Variants in CTIF observed in about 807,000 individuals in gnomAD.
The protein encoded by CTIF is CBP80/20-dependent translation initiation factor.
A neutral mutation model predicts 66.0 loss-of-function variants in CTIF; 21 were observed. The ratio of observed to expected loss-of-function variants is 0.32; its 90% CI spans 0.23 to 0.46. The LOEUF (loss-of-function observed/expected upper bound fraction) is 0.46. Among genes scored for constraint, CTIF ranks in the 20% least tolerant of loss-of-function variants. CTIF has a pLI of 1.00. For synonymous variants in CTIF, 345 were observed against 326.4 expected (o/e 1.06, Z -0.62); for missense variants, 739 against 812.7 (o/e 0.91, Z 1.10).
At chr18:48,736,408 T>G (rs2092503524) in intron 7 of CTIF, among the ~76,000 whole-genome samples, 1 of 152,094 alleles carries the variant, frequency 6.6e-6, no homozygotes, top group Non-Finnish European at 1.5e-5. Context: ...CTGCACTGAG[T>G]GGAAGCCAGA....
chr18:48,597,126 C>A (rs887776530), intron 1 of CTIF, among the ~76,000 whole-genome samples: 1 of 152,170 alleles, frequency 6.6e-6, no homozygotes, highest in Non-Finnish European at 1.5e-5. Context: ...GAACAGTGAA[C>A]GAAGAAGTGT....
At chr18:48,774,943 C>T (rs1354600590) in intron 9 of CTIF, among the ~76,000 whole-genome samples, 1 of 150,050 alleles carries the variant, frequency 6.7e-6, no homozygotes, top group Admixed American at 6.6e-5. Flanking sequence ...ATTAGGCAAC[C>T]GTCATTGCAT....
intron 10 of CTIF, among the ~76,000 whole-genome samples, chr18:48,828,930 C>T (rs1331485962): frequency 6.6e-6 from 1 of 152,246 alleles, no homozygotes; most frequent in Non-Finnish European, 1.5e-5. Flanking sequence ...TGCTCCTCCT[C>T]CTCCCTCTTA....
intron 6 of CTIF, among the ~76,000 whole-genome samples, chr18:48,703,704 G>A (rs2092113880): frequency 6.6e-6 from 1 of 152,176 alleles, no homozygotes; most frequent in African/African-American, 2.4e-5. Flanking sequence ...ATGGAATTGA[G>A]CTCTGCGGGG....
intron 9 of CTIF, among the ~76,000 whole-genome samples, chr18:48,779,792 C>T (rs968986774): frequency 6.6e-6 from 1 of 152,232 alleles, no homozygotes; most frequent in Non-Finnish European, 1.5e-5. Context: ...TCCTTCCTTC[C>T]CACTGGGCTG....
intron 1 of CTIF, among the ~76,000 whole-genome samples, chr18:48,571,476 T>C (rs977457051): frequency 1.5e-4 from 23 of 152,174 alleles, no homozygotes; most frequent in African/African-American, 5.3e-4. Flanking sequence ...TTTAAAAATA[T>C]TTTGTTTCCC....
chr18:48,568,632 G>GT (rs2089330874), intron 1 of CTIF, among the ~76,000 whole-genome samples: 2 of 21,344 alleles, frequency 9.4e-5, no homozygotes, highest in Admixed American at 6.7e-4. Flanking sequence ...TGGGCAATTT[G>GT]TAAAAAAAAA....
chr18:48,624,183 G>A (rs374582664), intron 2 of CTIF, among the ~76,000 whole-genome samples: 1 of 126,254 alleles, frequency 7.9e-6, no homozygotes, highest in Non-Finnish European at 1.7e-5. Flanking sequence ...ATTTTACATC[G>A]TACCCCTCCC....
chr18:48,579,919 A>G (rs2089616223), intron 1 of CTIF, among the ~76,000 whole-genome samples: 1 of 152,218 alleles, frequency 6.6e-6, no homozygotes, highest in African/African-American at 2.4e-5. Flanking sequence ...ACCCTCATCC[A>G]TTCGTACAAA....
At chr18:48,653,539 A>G (rs1255262955) in intron 3 of CTIF, among the ~76,000 whole-genome samples, 2 of 152,310 alleles carry the variant, frequency 1.3e-5, no homozygotes, top group African/African-American at 4.8e-5. Context: ...TCATGAAAAT[A>G]GCCATACTGC....
At chr18:48,745,852 T>C (rs1211226001) in intron 7 of CTIF, among the ~76,000 whole-genome samples, 3 of 152,220 alleles carry the variant, frequency 2.0e-5, no homozygotes, top group Non-Finnish European at 4.4e-5. Flanking sequence ...GAGTCCTCTC[T>C]GTGATAACGT....
chr18:48,625,102 C>A, intron 2 of CTIF: 1 of 406,804 alleles, frequency 2.5e-6, no homozygotes, highest in South Asian at 1.0e-4. Context: ...CTTCCCTGTT[C>A]ACTGTTCCCT....
At chr18:48,779,446 A>ACTG (rs1218222514) in intron 9 of CTIF, among the ~76,000 whole-genome samples, 1 of 152,186 alleles carries the variant, frequency 6.6e-6, no homozygotes, top group Non-Finnish European at 1.5e-5. Context: ...CTCAGAACAC[A>ACTG]CTGCCACCTG....
At chr18:48,655,639 A>T (rs2091235475) in intron 3 of CTIF, among the ~76,000 whole-genome samples, 1 of 152,152 alleles carries the variant, frequency 6.6e-6, no homozygotes, top group African/African-American at 2.4e-5. Context: ...CCAGCTGCTC[A>T]GTGACTGAGG....
At chr18:48,608,411 C>T (rs1264506203) in intron 1 of CTIF, among the ~76,000 whole-genome samples, 1 of 152,116 alleles carries the variant, frequency 6.6e-6, no homozygotes, top group African/African-American at 2.4e-5. Context: ...CAGACGTGGC[C>T]CCAGCACAGG....
At chr18:48,817,189 G>GT (rs760457395) in intron 9 of CTIF, 32 bp from the exon 10 acceptor site, 1 of 1,603,722 alleles carries the variant, frequency 6.2e-7, no homozygotes, top group African/African-American at 1.3e-5. Flanking sequence ...CCCAGCCCCG[G>GT]GAGGCTGACG....
In CTIF at chr18:48,593,599, G is replaced by T. The variant is rs540821477; in HGVS notation, c.-28-25939G>T. Among the ~76,000 whole-genome samples, 4 of 151,758 alleles carry T rather than the reference G, an allele frequency of 2.6e-5. No homozygotes were observed. In the South Asian group the frequency reaches 8.3e-4, roughly 32 times the overall value. On this transcript the variant is annotated intron_variant, in intron 1 of 11. Coordinates refer to ENST00000256413, the MANE Select transcript of CTIF (RefSeq NM_014772.3). ...GGGTTTCACCGTATTAGCCAGGATG[G>T]TCTCGATCTCCTGACCTCGTGATCC...
intron 5 of CTIF, among the ~76,000 whole-genome samples, chr18:48,665,652 C>A (rs1223859810): frequency 6.6e-6 from 1 of 152,180 alleles, no homozygotes; most frequent in Non-Finnish European, 1.5e-5. Flanking sequence ...TCACCACCCC[C>A]AGTCCCTGGC....
intron 1 of CTIF, among the ~76,000 whole-genome samples, chr18:48,604,998 A>T (rs2090176967): frequency 6.6e-6 from 1 of 152,102 alleles, no homozygotes; most frequent in African/African-American, 2.4e-5. Flanking sequence ...TTGCATGCAT[A>T]GTTCATATTT....
Sources: allele counts gnomAD v4.1 joint callset (sites outside exome capture counted in the v4.1 genomes callset), GRCh38; gene constraint gnomAD v4.1.1; transcripts MANE v1.5; gene names NCBI Gene and HGNC (gene_info 2026-07-23, HGNC 2026-07-21).